The following LPIN1 variants were observed in gnomAD, a reference collection of about 807,000 sequenced individuals.
LPIN1 encodes the protein phosphatidate phosphatase LPIN1.
In LPIN1, 71 loss-of-function variants were observed where a neutral mutation model predicts 107.5. The observed-to-expected ratio is 0.66, with a 90% CI of 0.55 to 0.80. The LOEUF (loss-of-function observed/expected upper bound fraction) is 0.80. Among genes scored for constraint, LPIN1 ranks in the 30% least tolerant of loss-of-function variants. LPIN1 has a pLI of 0.00. For missense variants in LPIN1, 1,043 were observed against 1,160.6 expected (o/e 0.90, Z 1.47); for synonymous variants, 445 against 452.6 (o/e 0.98, Z 0.21).
At chr2:11,725,130 G>T (rs748644419) in intron 1 of LPIN1, among the ~76,000 whole-genome samples, 1 of 152,064 alleles carries the variant, frequency 6.6e-6, no homozygotes, top group Non-Finnish European at 1.5e-5. Context: ...GCGTGTTGGC[G>T]GGCGCCTGTA....
intron 1 of LPIN1, among the ~76,000 whole-genome samples, chr2:11,764,787 A>G (rs987302189): frequency 6.6e-6 from 1 of 152,264 alleles, no homozygotes; most frequent in Non-Finnish European, 1.5e-5. Context: ...GCTGTATGAA[A>G]TAGTCTCTTT....
intron 1 of LPIN1, among the ~76,000 whole-genome samples, chr2:11,710,622 CTG>C (rs946809291): frequency 4.6e-5 from 7 of 152,246 alleles, no homozygotes; most frequent in African/African-American, 1.7e-4. Context: ...TCACAGTATT[CTG>C]TCTTTTGATT....
chr2:11,749,008 C>G (rs901712162), intron 1 of LPIN1, among the ~76,000 whole-genome samples: 9 of 152,142 alleles, frequency 5.9e-5, no homozygotes, highest in Non-Finnish European at 1.3e-4. Context: ...CCTGGAATCA[C>G]CCACTAGCAG....
intron 3 of LPIN1, among the ~76,000 whole-genome samples, chr2:11,770,579 G>A (rs904204203): frequency 2.0e-5 from 3 of 152,158 alleles, no homozygotes; most frequent in Admixed American, 1.3e-4. Context: ...ATTTCAGCAT[G>A]TCTGATGCTC....
At position 11,782,199 on chromosome 2, in the gene LPIN1, A is replaced by G. The variant is rs752399173; in HGVS notation, c.958-2A>G. ...TCTGTCCCTCTCTCCTCTTTGCTCT[A>G]GTCTTCTTCTCCACACAAGATGAAA... On this transcript the variant is annotated splice_acceptor_variant, in intron 7 of 20. Transcript: ENST00000674199. LOFTEE classifies it high-confidence loss of function. 1 of 1,611,172 alleles carries G rather than the reference A, an allele frequency of 6.2e-7. No individual in the cohort carries two copies. The highest frequency in any genetic ancestry group is 8.5e-7 in the Non-Finnish European group (1 of 1,177,828).
chr2:11,750,885 ATAAAGT>A (rs1194486513), intron 1 of LPIN1, among the ~76,000 whole-genome samples: 1 of 152,228 alleles, frequency 6.6e-6, no homozygotes, highest in African/African-American at 2.4e-5. Flanking sequence ...TAATACAGAA[ATAAAGT>A]TATAAGGGCA....
intron 20 of LPIN1, among the ~76,000 whole-genome samples, chr2:11,822,816 C>T (rs1681776869): frequency 6.6e-6 from 1 of 152,184 alleles, no homozygotes; most frequent in African/African-American, 2.4e-5. Flanking sequence ...AGAGGGACTC[C>T]AGCATCTGAG....
chr2:11,693,920 C>T (rs1295984903), intron 1 of LPIN1, among the ~76,000 whole-genome samples: 3 of 140,964 alleles, frequency 2.1e-5, no homozygotes, highest in East Asian at 2.2e-4. Flanking sequence ...CTGGAACTTC[C>T]GCCTCCTGGG....
At chr2:11,681,204 T>C (rs563233277) in intron 1 of LPIN1, among the ~76,000 whole-genome samples, 1 of 152,324 alleles carries the variant, frequency 6.6e-6, no homozygotes, top group East Asian at 1.9e-4. Flanking sequence ...CTTCCTTTAG[T>C]CACTTAGCTT....
chr2:11,748,540 C>A (rs185647612), intron 1 of LPIN1, among the ~76,000 whole-genome samples: 1 of 152,174 alleles, frequency 6.6e-6, no homozygotes, highest in Non-Finnish European at 1.5e-5. Context: ...ATGGGGTCCA[C>A]GAATCATTGT....
intron 1 of LPIN1, among the ~76,000 whole-genome samples, chr2:11,760,136 GAT>G (rs1669536810): frequency 6.6e-6 from 1 of 151,870 alleles, no homozygotes; most frequent in Admixed American, 6.5e-5. Flanking sequence ...GCCGGGCAGA[GAT>G]GCTCCTCACT....
chr2:11,760,883 G>A lies in LPIN1; in HGVS notation c.-9-4650G>A, dbSNP rs1358812506. On this transcript the variant is annotated intron_variant, in intron 1 of 20. Transcript: ENST00000674199. ...GTGACAAACATAGCTCACGTGCAAGGGTGATGAAGGCAAAGAGATGGGGGG... is the reference window on the plus strand; with the variant it reads ...GTGACAAACATAGCTCACGTGCAAGAGTGATGAAGGCAAAGAGATGGGGGG... Among the ~76,000 whole-genome samples the A allele has an allele frequency of 2.0e-5, 3 of 152,252 alleles. No homozygotes were observed. In the East Asian group the frequency reaches 5.8e-4, roughly 29 times the overall value.
At chr2:11,766,885 T>C (rs1670994252) in intron 2 of LPIN1, among the ~76,000 whole-genome samples, 1 of 152,170 alleles carries the variant, frequency 6.6e-6, no homozygotes. Context: ...GAAAGCGTAA[T>C]GGTGGTTACT....
At chr2:11,781,136 G>A (rs1165014972) in intron 7 of LPIN1, among the ~76,000 whole-genome samples, 1 of 152,238 alleles carries the variant, frequency 6.6e-6, no homozygotes, top group African/African-American at 2.4e-5. Flanking sequence ...GAGTGAGTGA[G>A]TGAATGACTA....
intron 1 of LPIN1, among the ~76,000 whole-genome samples, chr2:11,713,384 C>T (rs1171005733): frequency 6.6e-6 from 1 of 152,210 alleles, no homozygotes; most frequent in African/African-American, 2.4e-5. Context: ...GATTCTCCTG[C>T]CTCAGCCTCC....
intron 2 of LPIN1, among the ~76,000 whole-genome samples, chr2:11,714,675 A>G (rs1663613888): frequency 6.6e-6 from 1 of 152,124 alleles, no homozygotes; most frequent in South Asian, 2.1e-4. Flanking sequence ...GCGTGTGTGG[A>G]TAGGGAGGTT....
chr2:11,804,243 T>C (rs1678258549), intron 15 of LPIN1, among the ~76,000 whole-genome samples, 180 bp from the exon 16 acceptor site: 1 of 152,138 alleles, frequency 6.6e-6, no homozygotes, highest in African/African-American at 2.4e-5. Context: ...TCATTTTGCC[T>C]GTCCAGCCCC....
intron 1 of LPIN1, among the ~76,000 whole-genome samples, chr2:11,710,065 T>G (rs1663330816): frequency 6.6e-6 from 1 of 152,168 alleles, no homozygotes. Flanking sequence ...CTGGTCACTT[T>G]CAAGTACATT....
At chr2:11,823,180 GT>G (rs1681843994) in intron 20 of LPIN1, 1 of 152,324 alleles carries the variant, frequency 6.6e-6, no homozygotes, top group Non-Finnish European at 1.5e-5. Context: ...GTGTCTGTGC[GT>G]AAGCTCTGCC....
Sources: gnomAD v4.1 joint callset for allele counts (sites outside exome capture counted in the v4.1 genomes callset) on GRCh38, gnomAD v4.1.1 for gene constraint, MANE v1.5 for transcripts, NCBI Gene and HGNC (gene_info 2026-07-23, HGNC 2026-07-21) for gene names.